Variants in ASTN2 observed in about 807,000 individuals in gnomAD.
ASTN2 encodes the protein astrotactin-2.
In ASTN2, 54 loss-of-function variants were observed where a neutral mutation model predicts 139.8. That is an observed-to-expected ratio of 0.39 (90% CI 0.31 to 0.48). ASTN2 has a LOEUF of 0.48. Among genes scored for constraint, ASTN2 ranks in the 20% least tolerant of loss-of-function variants. ASTN2 has a pLI of 0.95. For missense variants in ASTN2, 1,565 were observed against 1,725.1 expected (o/e 0.91, Z 1.64); for synonymous variants, 756 against 719.5 (o/e 1.05, Z -0.81).
intron 3 of ASTN2, among the ~76,000 whole-genome samples, chr9:117,153,275 A>G (rs1026534205): frequency 6.6e-6 from 1 of 152,082 alleles, no homozygotes. Flanking sequence ...ACAGCTCTGC[A>G]GCATGGAGCA....
chr9:117,197,135 G>C (rs1031369706), intron 3 of ASTN2: 16 of 152,176 alleles, frequency 1.1e-4, no homozygotes, highest in Non-Finnish European at 2.1e-4. Flanking sequence ...AGGGCAATCT[G>C]GCTGTGACAT....
intron 10 of ASTN2, among the ~76,000 whole-genome samples, chr9:116,917,179 A>G (rs1834472375): frequency 1.3e-5 from 2 of 152,178 alleles, no homozygotes. Context: ...TGTAGATGTT[A>G]GATCAACTGT....
chr9:116,679,898 A>C (rs979050561), intron 16 of ASTN2, among the ~76,000 whole-genome samples: 1 of 152,182 alleles, frequency 6.6e-6, no homozygotes, highest in Non-Finnish European at 1.5e-5. Context: ...ATTTATAGCA[A>C]TAAATGCCCA....
chr9:117,181,070 G>A (rs1055020224), intron 3 of ASTN2: 2 of 1,341,116 alleles, frequency 1.5e-6, no homozygotes, highest in African/African-American at 1.4e-5. Context: ...TGAAAGGCCT[G>A]TTTCCATGGT....
intron 20 of ASTN2, among the ~76,000 whole-genome samples, chr9:116,468,202 A>T (rs991927402): frequency 2.6e-5 from 4 of 152,220 alleles, no homozygotes; most frequent in African/African-American, 9.6e-5. Context: ...CCTCTCATAT[A>T]CTAGTGGCAC....
At chr9:117,217,673 T>C (rs1341493155) in intron 2 of ASTN2, among the ~76,000 whole-genome samples, 3 of 152,206 alleles carry the variant, frequency 2.0e-5, no homozygotes, top group Non-Finnish European at 4.4e-5. Context: ...TGCCACCTCA[T>C]TGGGTCATGA....
chr9:116,820,910 CA>C, intron 11 of ASTN2, 127 bp from the exon 12 acceptor site: 1 of 997,414 alleles, frequency 1.0e-6, no homozygotes, highest in Non-Finnish European at 1.4e-6. Context: ...CTCCTTTTGT[CA>C]GTTAATAACT....
intron 5 of ASTN2, among the ~76,000 whole-genome samples, chr9:117,056,306 G>C (rs1456496260): frequency 1.3e-5 from 2 of 152,146 alleles, no homozygotes; most frequent in African/African-American, 4.8e-5. Flanking sequence ...TACTTAAATG[G>C]ATAGCTGAAA....
chr9:117,323,988 CAT>C (rs1335900729), intron 1 of ASTN2, among the ~76,000 whole-genome samples: 2 of 152,086 alleles, frequency 1.3e-5, no homozygotes, highest in Non-Finnish European at 2.9e-5. Context: ...ATAAATAAGA[CAT>C]ATGTAGTCAG....
chr9:116,746,682 G>A (rs750040545), intron 13 of ASTN2, among the ~76,000 whole-genome samples: 2 of 151,800 alleles, frequency 1.3e-5, no homozygotes, highest in Non-Finnish European at 2.9e-5. Flanking sequence ...TTTTTCCCTA[G>A]GAGGACTTTG....
At chr9:116,791,023 GAAA>G (rs1355009708) in intron 13 of ASTN2, among the ~76,000 whole-genome samples, 1 of 126,760 alleles carries the variant, frequency 7.9e-6, no homozygotes, top group East Asian at 5.4e-4. Flanking sequence ...AAGAAAGAAA[GAAA>G]GAAAGAAAGA....
intron 16 of ASTN2, among the ~76,000 whole-genome samples, chr9:116,707,285 C>CAAAAA (rs766053427): frequency 0.012 from 698 of 60,594 alleles, 67 homozygotes; most frequent in African/African-American, 0.035. Context: ...GCCCCCTGAC[C>CAAAAA]AAAAAAAAAA....
chr9:117,049,066 C>G (rs1268909371), intron 5 of ASTN2, among the ~76,000 whole-genome samples: 4 of 150,318 alleles, frequency 2.7e-5, no homozygotes, highest in Non-Finnish European at 1.5e-5. Context: ...CTCCCAGGCT[C>G]AAGTGATTCT....
chr9:117,177,464 A>G (rs1830945197), intron 3 of ASTN2, among the ~76,000 whole-genome samples: 1 of 152,194 alleles, frequency 6.6e-6, no homozygotes, highest in Non-Finnish European at 1.5e-5. Context: ...CATCATCTCC[A>G]AGTAAGATGG....
At chr9:117,185,290 C>T (rs1831169001) in intron 3 of ASTN2, among the ~76,000 whole-genome samples, 1 of 152,188 alleles carries the variant, frequency 6.6e-6, no homozygotes, top group Non-Finnish European at 1.5e-5. Flanking sequence ...TAATCTGTCA[C>T]TTCCTGATTT....
Position 117,298,670 on chromosome 9 carries a change from G to GTATATATATATATA in ASTN2, c.443-7171_443-7158dup, listed in dbSNP as rs148601803. Among the ~76,000 whole-genome samples the GTATATATATATATA allele has an allele frequency of 8.8e-5, 12 of 136,468 alleles. No homozygotes were observed. In the South Asian group the frequency reaches 1.7e-3, roughly 19 times the overall value. The allele number at this position is 136,468 out of a possible 152,430, so 89.5% of individuals were successfully genotyped here. A position where few individuals can be genotyped will look rare whatever the true frequency, so the allele number is the denominator to read the frequency against. On this transcript the variant is annotated intron_variant, in intron 1 of 22. Transcript: ENST00000313400. ...TCTTGGTGTGTGTATATATATATGT[G>GTATATATATATATA]TATATATATATATATATATATGTGC...
At chr9:116,428,524 C>CA (rs56925314) in intron 22 of ASTN2, among the ~76,000 whole-genome samples, 17,145 of 133,348 alleles carry the variant, frequency 0.13, 1,264 homozygotes, top group Non-Finnish European at 0.18. Context: ...AACTCCACCT[C>CA]AAAAAAAAAA....
At chr9:116,626,154 GTTTTTTTTT>G (rs751026997) in intron 17 of ASTN2, among the ~76,000 whole-genome samples, 29 of 34,438 alleles carry the variant, frequency 8.4e-4, no homozygotes, top group African/African-American at 2.6e-3. Flanking sequence ...TAGTTTTTGT[GTTTTTTTTT>G]TTTTTTTTTT....
chr9:117,049,512 C>G (rs756932923), intron 5 of ASTN2, among the ~76,000 whole-genome samples: 14 of 152,114 alleles, frequency 9.2e-5, no homozygotes, highest in Non-Finnish European at 1.6e-4. Context: ...ATTAGCAGAG[C>G]CCAATAATCA....
Sources: gnomAD v4.1 joint callset for allele counts (sites outside exome capture counted in the v4.1 genomes callset) on GRCh38, gnomAD v4.1.1 for gene constraint, MANE v1.5 for transcripts, NCBI Gene and HGNC (gene_info 2026-07-23, HGNC 2026-07-21) for gene names.